The following SLC24A3 variants were observed in gnomAD, a reference collection of about 807,000 sequenced individuals.
SLC24A3 encodes the protein solute carrier family 24 member 3, also known as sodium/potassium/calcium exchanger 3.
Under a neutral mutation model 75.8 loss-of-function variants are expected in SLC24A3, and 28 were observed. That is an observed-to-expected ratio of 0.37 (90% CI 0.27 to 0.51). SLC24A3 has a LOEUF of 0.51. Among genes scored for constraint, SLC24A3 ranks in the 20% least tolerant of loss-of-function variants. The probability of loss-of-function intolerance (pLI) is 0.94; values close to 1 mark genes in which losing one functional copy is unlikely to be tolerated. For missense variants in SLC24A3, 663 were observed against 847.8 expected (o/e 0.78, Z 2.71); for synonymous variants, 372 against 334.1 (o/e 1.11, Z -1.24).
intron 6 of SLC24A3, among the ~76,000 whole-genome samples, chr20:19,586,053 G>T (rs1206464258): frequency 3.3e-5 from 5 of 152,166 alleles, no homozygotes; most frequent in African/African-American, 1.2e-4. Context: ...TGCCTTTGGG[G>T]TTATGAAGGG....
intron 2 of SLC24A3, among the ~76,000 whole-genome samples, chr20:19,456,573 CTT>C (rs1275334275): frequency 1.3e-5 from 2 of 152,214 alleles, no homozygotes; most frequent in East Asian, 1.9e-4. Flanking sequence ...ATTGCCCAGT[CTT>C]TATTGGCAGC....
intron 3 of SLC24A3, among the ~76,000 whole-genome samples, chr20:19,574,991 T>C (rs1437693160): frequency 6.6e-6 from 1 of 152,028 alleles, no homozygotes; most frequent in African/African-American, 2.4e-5. Flanking sequence ...GGCTCACAGC[T>C]GCAATCCCAG....
intron 2 of SLC24A3, among the ~76,000 whole-genome samples, chr20:19,479,794 G>A (rs1014505215): frequency 5.9e-5 from 9 of 152,226 alleles, no homozygotes; most frequent in Non-Finnish European, 2.9e-5. Context: ...TGTCCCACAT[G>A]TTGGATGAGG....
chr20:19,430,745 G>T (rs538208542), intron 2 of SLC24A3, among the ~76,000 whole-genome samples: 1 of 152,146 alleles, frequency 6.6e-6, no homozygotes. Context: ...CACAAGCACA[G>T]CTAGGTAGAC....
intron 1 of SLC24A3, among the ~76,000 whole-genome samples, chr20:19,234,910 C>G (rs1471798681): frequency 2.0e-5 from 3 of 152,224 alleles, no homozygotes; most frequent in African/African-American, 7.2e-5. Context: ...CATGAATTCT[C>G]TCTTTTCCTC....
intron 1 of SLC24A3, among the ~76,000 whole-genome samples, chr20:19,231,609 GA>G (rs1182600377): frequency 6.6e-6 from 1 of 152,192 alleles, no homozygotes; most frequent in African/African-American, 2.4e-5. Flanking sequence ...TTCTTCCCAA[GA>G]GCTTCCAGTA....
At chr20:19,533,902 G>A (rs987606425) in intron 3 of SLC24A3, among the ~76,000 whole-genome samples, 1 of 152,176 alleles carries the variant, frequency 6.6e-6, no homozygotes, top group African/African-American at 2.4e-5. Flanking sequence ...AAGAGCTACC[G>A]GGATAAAGCC....
intron 1 of SLC24A3, 80 bp from the exon 2 acceptor site, chr20:19,280,879 C>G (rs2122223713): frequency 6.6e-7 from 1 of 1,518,060 alleles, no homozygotes; most frequent in Non-Finnish European, 8.9e-7. Context: ...GATGGCTGAT[C>G]AGGGCAGCGG....
chr20:19,475,299 A>G (rs1987944549), intron 2 of SLC24A3, among the ~76,000 whole-genome samples: 1 of 151,906 alleles, frequency 6.6e-6, no homozygotes, highest in Non-Finnish European at 1.5e-5. Flanking sequence ...AGATCGCGCC[A>G]CTACACTCCA....
chr20:19,601,191 TG>T (rs2031522615), intron 6 of SLC24A3, among the ~76,000 whole-genome samples: 2 of 152,232 alleles, frequency 1.3e-5, no homozygotes, highest in Admixed American at 6.5e-5. Flanking sequence ...CTCCTCTACC[TG>T]TGTTGCCAGC....
intron 3 of SLC24A3, among the ~76,000 whole-genome samples, chr20:19,560,212 C>T (rs554588980): frequency 1.8e-4 from 27 of 152,218 alleles, no homozygotes; most frequent in African/African-American, 6.5e-4. Context: ...GAGCTGATAA[C>T]ACTGAGGACA....
At chr20:19,286,711 G>A (rs1983827435) in intron 2 of SLC24A3, among the ~76,000 whole-genome samples, 1 of 152,290 alleles carries the variant, frequency 6.6e-6, no homozygotes, top group East Asian at 1.9e-4. Context: ...CAAGATGTGA[G>A]CTACAAGCGT....
chr20:19,366,003 C>T (rs1488844563), intron 2 of SLC24A3, among the ~76,000 whole-genome samples: 2 of 152,124 alleles, frequency 1.3e-5, no homozygotes, highest in South Asian at 2.1e-4. Context: ...CCTTTGCTAA[C>T]CCCTTCCAGG....
intron 2 of SLC24A3, among the ~76,000 whole-genome samples, chr20:19,398,647 T>C (rs1022078517): frequency 3.9e-5 from 6 of 152,214 alleles, no homozygotes; most frequent in Non-Finnish European, 8.8e-5. Flanking sequence ...CTTTTGTCTT[T>C]CCAATGTAAA....
chr20:19,313,126 T>G (rs915835756), intron 2 of SLC24A3, among the ~76,000 whole-genome samples: 4 of 143,938 alleles, frequency 2.8e-5, no homozygotes, highest in African/African-American at 1.0e-4. Flanking sequence ...AAACTCTGCT[T>G]CCCAGGTTCA....
At chr20:19,594,825 C>A (rs1341546707) in intron 6 of SLC24A3, among the ~76,000 whole-genome samples, 1 of 152,066 alleles carries the variant, frequency 6.6e-6, no homozygotes, top group Non-Finnish European at 1.5e-5. Context: ...AGCAATACAG[C>A]ATGGTAAGCG....
chr20:19,691,404 G>T (rs2032743783), intron 12 of SLC24A3, among the ~76,000 whole-genome samples: 6 of 152,226 alleles, frequency 3.9e-5, no homozygotes. Context: ...GGGAGTATGT[G>T]AGCAGGGAGA....
chr20:19,683,039 A>C (rs1035298959), intron 10 of SLC24A3, among the ~76,000 whole-genome samples: 2 of 152,334 alleles, frequency 1.3e-5, no homozygotes, highest in East Asian at 3.9e-4. Flanking sequence ...GCAGGAAGAA[A>C]AAAAAAGAAA....
At chr20:19,388,568 G>A (rs1202840930) in intron 2 of SLC24A3, among the ~76,000 whole-genome samples, 7 of 152,198 alleles carry the variant, frequency 4.6e-5, no homozygotes, top group South Asian at 4.2e-4. Context: ...AAAATTAGCC[G>A]GGCGTGGTGG....
Sources: allele counts gnomAD v4.1 joint callset (sites outside exome capture counted in the v4.1 genomes callset), GRCh38; gene constraint gnomAD v4.1.1; transcripts MANE v1.5; gene names NCBI Gene and HGNC (gene_info 2026-07-23, HGNC 2026-07-21).